The following KCNQ3 variants were observed in gnomAD, a reference collection of about 807,000 sequenced individuals.
KCNQ3 encodes the protein potassium voltage-gated channel subfamily Q member 3.
A neutral mutation model predicts 92.5 loss-of-function variants in KCNQ3; 30 were observed. That is an observed-to-expected ratio of 0.32 (90% CI 0.24 to 0.44). The LOEUF is 0.44. Among genes scored for constraint, KCNQ3 ranks in the 20% least tolerant of loss-of-function variants. The probability of loss-of-function intolerance (pLI) is 1.00; values close to 1 mark genes in which losing one functional copy is unlikely to be tolerated. For synonymous variants in KCNQ3, 450 were observed against 468.8 expected, an observed-to-expected ratio of 0.96 and a Z score of 0.52; for missense variants, 913 against 1,140.3, an observed-to-expected ratio of 0.80 and a Z score of 2.87.
At chr8:132,241,285 TGTC>T (rs1814989194) in intron 1 of KCNQ3, among the ~76,000 whole-genome samples, 2 of 152,328 alleles carry the variant, frequency 1.3e-5, no homozygotes, top group South Asian at 2.1e-4. Context: ...GCTGGAAAAT[TGTC>T]AGAGCTCCTT....
intron 1 of KCNQ3, among the ~76,000 whole-genome samples, chr8:132,190,738 G>C (rs535841637): frequency 3.2e-4 from 48 of 152,346 alleles, no homozygotes; most frequent in African/African-American, 9.6e-4. Flanking sequence ...TGAAAACTGA[G>C]ATTAAAAAAT....
intron 1 of KCNQ3, among the ~76,000 whole-genome samples, chr8:132,378,329 T>C (rs571239337): frequency 2.0e-4 from 30 of 152,028 alleles, no homozygotes; most frequent in African/African-American, 7.0e-4. Flanking sequence ...GAGGCAGAGG[T>C]TGCAGTGAGC....
At chr8:132,393,403 C>T (rs772224373) in intron 1 of KCNQ3, among the ~76,000 whole-genome samples, 2 of 152,194 alleles carry the variant, frequency 1.3e-5, no homozygotes, top group Non-Finnish European at 1.5e-5. Context: ...GTCTTTGTTT[C>T]AACTACTCAA....
chr8:132,427,887 C>T (rs1821150648), intron 1 of KCNQ3, among the ~76,000 whole-genome samples: 1 of 152,202 alleles, frequency 6.6e-6, no homozygotes, highest in Non-Finnish European at 1.5e-5. Context: ...CCTTTAATCG[C>T]TTTAAAGATT....
chr8:132,362,884 A>G (rs556249925), intron 1 of KCNQ3, among the ~76,000 whole-genome samples: 21 of 152,252 alleles, frequency 1.4e-4, no homozygotes, highest in African/African-American at 4.6e-4. Context: ...TAATGGGGCG[A>G]GGGCGGCGTG....
At position 132,294,000 on chromosome 8, in the gene KCNQ3, GT is replaced by G. The variant is rs386414036; in HGVS notation, c.387-107820del. On this transcript the variant is annotated intron_variant, in intron 1 of 14. Coordinates refer to ENST00000388996, the MANE Select transcript of KCNQ3 (RefSeq NM_004519.4). The stretch of plus-strand genomic sequence containing the variant: ...ACTAAGGGTTTTTTGTGTGTGTGTG[GT>G]TTTTTTTTTTTTTTTTTGAGACGGA... Among the ~76,000 whole-genome samples the G allele has an allele frequency of 5.7e-3, 712 of 124,160 alleles. 5 individuals are homozygous for G. Among genetic ancestry groups the G allele is most frequent in the Middle Eastern group, 0.022 (4 of 186 alleles). 81.5% of individuals were successfully genotyped at this position (124,160 alleles called of 152,430 possible).
chr8:132,380,266 G>C (rs957835379), intron 1 of KCNQ3, among the ~76,000 whole-genome samples: 4 of 152,196 alleles, frequency 2.6e-5, no homozygotes, highest in African/African-American at 9.7e-5. Context: ...GCCCAGGCCA[G>C]TGAAGACCAA....
intron 1 of KCNQ3, among the ~76,000 whole-genome samples, chr8:132,283,702 A>G (rs147200685): frequency 7.8e-4 from 119 of 152,336 alleles, no homozygotes; most frequent in Middle Eastern, 6.8e-3. Flanking sequence ...TGGGGTTTGA[A>G]CATGCTCTAA....
intron 1 of KCNQ3, among the ~76,000 whole-genome samples, chr8:132,436,150 T>C (rs1344889640): frequency 1.3e-5 from 2 of 152,246 alleles, no homozygotes; most frequent in African/African-American, 4.8e-5. Context: ...ACAACCTTTT[T>C]TGAATTAATG....
intron 1 of KCNQ3, among the ~76,000 whole-genome samples, chr8:132,328,425 A>G (rs1818125884): frequency 6.6e-6 from 1 of 152,112 alleles, no homozygotes; most frequent in African/African-American, 2.4e-5. Flanking sequence ...GAGAGACAAG[A>G]TGGTGAGGTG....
At chr8:132,293,999 G>GTGTGTGTGT (rs61040125) in intron 1 of KCNQ3, among the ~76,000 whole-genome samples, 7 of 87,826 alleles carry the variant, frequency 8.0e-5, no homozygotes, top group African/African-American at 2.4e-4. Context: ...GTGTGTGTGT[G>GTGTGTGTGT]GTTTTTTTTT....
intron 1 of KCNQ3, among the ~76,000 whole-genome samples, chr8:132,328,740 G>A (rs1191391027): frequency 6.6e-6 from 1 of 151,976 alleles, no homozygotes; most frequent in African/African-American, 2.4e-5. Context: ...CTCAACTCGA[G>A]CACCTCCTTT....
chr8:132,456,550 G>A (rs752837640), intron 1 of KCNQ3, among the ~76,000 whole-genome samples: 14 of 151,906 alleles, frequency 9.2e-5, no homozygotes, highest in Admixed American at 6.6e-4. Flanking sequence ...TATTTTACCT[G>A]AGCCAAACTG....
At chr8:132,249,929 G>A (rs1407129411) in intron 1 of KCNQ3, among the ~76,000 whole-genome samples, 48 of 152,158 alleles carry the variant, frequency 3.2e-4, no homozygotes, top group Admixed American at 2.9e-3. Flanking sequence ...TGGGGCCAGC[G>A]GCACCGGCCG....
chr8:132,375,910 A>G (rs1482079405), intron 1 of KCNQ3, among the ~76,000 whole-genome samples: 1 of 152,172 alleles, frequency 6.6e-6, no homozygotes, highest in Non-Finnish European at 1.5e-5. Flanking sequence ...TCATGCTAGC[A>G]TTCACCACTC....
intron 1 of KCNQ3, among the ~76,000 whole-genome samples, chr8:132,213,301 G>GGCTCCATT (rs1476946637): frequency 1.3e-5 from 2 of 152,024 alleles, no homozygotes; most frequent in Non-Finnish European, 2.9e-5. Context: ...TGGCACCAGG[G>GGCTCCATT]GCTCCATTTC....
At chr8:132,430,140 T>A (rs1821211737) in intron 1 of KCNQ3, among the ~76,000 whole-genome samples, 1 of 151,850 alleles carries the variant, frequency 6.6e-6, no homozygotes, top group Non-Finnish European at 1.5e-5. Flanking sequence ...TTTCATGAGC[T>A]GTCTCTTCAC....
At chr8:132,156,997 A>G (rs139102681) in intron 9 of KCNQ3, among the ~76,000 whole-genome samples, 127 of 152,338 alleles carry the variant, frequency 8.3e-4, no homozygotes, top group African/African-American at 3.0e-3. Context: ...AGGAAGAGGC[A>G]AGAAAGGACT....
chr8:132,396,376 A>G (rs1282555876), intron 1 of KCNQ3, among the ~76,000 whole-genome samples: 1 of 152,122 alleles, frequency 6.6e-6, no homozygotes. Context: ...ACTGCAAAGA[A>G]AAAAACAAAA....
Sources: allele counts gnomAD v4.1 joint callset (sites outside exome capture counted in the v4.1 genomes callset), GRCh38; gene constraint gnomAD v4.1.1; transcripts MANE v1.5; gene names NCBI Gene and HGNC (gene_info 2026-07-23, HGNC 2026-07-21).